The following KLHL3 variants were observed in gnomAD, a reference collection of about 807,000 sequenced individuals.
KLHL3 encodes the protein kelch like family member 3, also known as kelch-like protein 3.
A neutral mutation model predicts 70.5 loss-of-function variants in KLHL3; 19 were observed. That is an observed-to-expected ratio of 0.27 (90% CI 0.19 to 0.40). The LOEUF (loss-of-function observed/expected upper bound fraction) is 0.40. KLHL3 is among the 10% of genes least tolerant of loss of function. The pLI is 1.00. For synonymous variants in KLHL3, 258 were observed against 290.3 expected (o/e 0.89, Z 1.13); for missense variants, 512 against 771.1 (o/e 0.66, Z 3.98).
At chr5:137,728,303 A>T (rs1753116946) in intron 1 of KLHL3, among the ~76,000 whole-genome samples, 1 of 152,172 alleles carries the variant, frequency 6.6e-6, no homozygotes, top group Non-Finnish European at 1.5e-5. Flanking sequence ...TTGCCTCTGA[A>T]TTCTTAGCTT....
At chr5:137,709,514 G>A (rs1240197261) in intron 3 of KLHL3, among the ~76,000 whole-genome samples, 5 of 152,214 alleles carry the variant, frequency 3.3e-5, no homozygotes, top group African/African-American at 1.2e-4. Flanking sequence ...GAACTAATGG[G>A]CTATGTGAGT....
chr5:137,661,980 C>T lies in KLHL3; in HGVS notation c.688G>A (p.Glu230Lys). The T allele has an allele frequency of 3.1e-6, 5 of 1,613,578 alleles. No homozygotes were observed. Among genetic ancestry groups the T allele is most frequent in the Non-Finnish European group, 3.4e-6 (4 of 1,179,678 alleles). Residue 230 changes from glutamate to lysine, a missense_variant, in exon 7 of 15, where the codon GAG (glutamate) becomes AAG (lysine). Coordinates refer to ENST00000309755, the MANE Select transcript of KLHL3 (RefSeq NM_017415.3). ...WINYEKETRL[E>K]HMAKLMEHVR... ...TGTTCCATCAGCTTTGCCATGTGCT[C>T]TAAACGGGTTTCTTTCTCATAATTG...
Position 137,639,882 on chromosome 5 carries a change from A to T in KLHL3, c.999T>A (p.Leu333=). The T allele has an allele frequency of 6.2e-7, 1 of 1,614,014 alleles. No homozygotes were observed. Among genetic ancestry groups the T allele is most frequent in the Non-Finnish European group, 8.5e-7 (1 of 1,179,922 alleles). ...EEDRWDQIAE[L]PSRRCRAGVV... ...CACCTGCTCTGCATCTTCTGGAAGG[A>T]AGCTCAGCAATCTGATCCCACCGGT... is the stretch of plus-strand genomic sequence containing the variant. The change falls in exon 9 of 15, where the codon CTT becomes CTA. Residue 333 remains leucine, a synonymous_variant. Transcript: ENST00000309755. This position sits in a 1 kb window ranked among gnomAD's most constrained non-coding sequence, Gnocchi z 5.0.
At chr5:137,641,302 C>T (rs545003113) in intron 8 of KLHL3, among the ~76,000 whole-genome samples, 12 of 152,276 alleles carry the variant, frequency 7.9e-5, no homozygotes, top group Admixed American at 2.0e-4. Context: ...CTTGAGCATA[C>T]ATCAGAATCA....
chr5:137,668,187 G>A (rs888998276), intron 6 of KLHL3, among the ~76,000 whole-genome samples: 23 of 152,106 alleles, frequency 1.5e-4, no homozygotes, highest in East Asian at 5.8e-4. Flanking sequence ...CAAGGTGGGC[G>A]GATCACGAAG....
intron 5 of KLHL3, among the ~76,000 whole-genome samples, chr5:137,690,326 CAAAA>C (rs35864411): frequency 8.5e-5 from 12 of 140,748 alleles, no homozygotes; most frequent in East Asian, 2.1e-4. Flanking sequence ...GACTCCATCT[CAAAA>C]AAAAAAAAAA....
At chr5:137,681,355 A>T (rs1752021221) in intron 5 of KLHL3, among the ~76,000 whole-genome samples, 1 of 152,196 alleles carries the variant, frequency 6.6e-6, no homozygotes, top group Non-Finnish European at 1.5e-5. Flanking sequence ...CTGCCTCACA[A>T]GCAAGATAAG....
chr5:137,677,875 C>T (rs1197550421), intron 5 of KLHL3, among the ~76,000 whole-genome samples: 5 of 152,142 alleles, frequency 3.3e-5, no homozygotes, highest in Non-Finnish European at 5.9e-5. Flanking sequence ...CTGTCCTGAA[C>T]ATCAACACAG....
chr5:137,629,830 T>A (rs1406230341), intron 12 of KLHL3: 1 of 152,220 alleles, frequency 6.6e-6, no homozygotes, highest in Non-Finnish European at 1.5e-5. Flanking sequence ...CTTTCCTCCA[T>A]GCTCAGCAGG....
intron 5 of KLHL3, among the ~76,000 whole-genome samples, chr5:137,686,158 A>C (rs1263635943): frequency 6.6e-6 from 1 of 152,230 alleles, no homozygotes; most frequent in Admixed American, 6.5e-5. Context: ...ACCTGCCTGC[A>C]CTATACATCT....
chr5:137,666,430 A>G (rs1199561673), intron 6 of KLHL3, among the ~76,000 whole-genome samples: 2 of 152,198 alleles, frequency 1.3e-5, no homozygotes, highest in African/African-American at 4.8e-5. Context: ...CTGTCTCTGC[A>G]CGCCATCTCC....
At chr5:137,730,123 T>C (rs1162269048) in intron 1 of KLHL3, among the ~76,000 whole-genome samples, 1 of 152,220 alleles carries the variant, frequency 6.6e-6, no homozygotes, top group Non-Finnish European at 1.5e-5. Flanking sequence ...GGTAGCATTA[T>C]CTCTTAAGGT....
intron 1 of KLHL3, among the ~76,000 whole-genome samples, chr5:137,733,827 G>A (rs571380021): frequency 7.6e-4 from 115 of 152,300 alleles, no homozygotes; most frequent in African/African-American, 2.7e-3. Flanking sequence ...AGTGGAAATG[G>A]GAACAGGAGT....
chr5:137,699,497 T>A, intron 3 of KLHL3, among the ~76,000 whole-genome samples: 1 of 151,700 alleles, frequency 6.6e-6, no homozygotes. Flanking sequence ...GGATGCAGGG[T>A]GGAAGCTAGA....
At chr5:137,688,316 C>G (rs1266514588) in intron 5 of KLHL3, among the ~76,000 whole-genome samples, 1 of 152,204 alleles carries the variant, frequency 6.6e-6, no homozygotes, top group Non-Finnish European at 1.5e-5. Context: ...GCCTGAAGAT[C>G]ATGCTGACCC....
chr5:137,706,038 GC>G (rs1434629516), intron 3 of KLHL3: 1 of 985,272 alleles, frequency 1.0e-6, no homozygotes, highest in Non-Finnish European at 1.2e-6. Context: ...TCTCTGATGG[GC>G]ACTCAGACTT....
At chr5:137,710,615 T>C (rs1752773890) in intron 2 of KLHL3, among the ~76,000 whole-genome samples, 2 of 152,222 alleles carry the variant, frequency 1.3e-5, no homozygotes, top group Non-Finnish European at 1.5e-5. Flanking sequence ...TCCACATTCA[T>C]AGACAGAATA....
At chr5:137,675,381 T>G (rs1751861489) in intron 6 of KLHL3, among the ~76,000 whole-genome samples, 1 of 152,204 alleles carries the variant, frequency 6.6e-6, no homozygotes, top group East Asian at 1.9e-4. Flanking sequence ...ATTGGTGCCA[T>G]TATCATTATT....
intron 1 of KLHL3, among the ~76,000 whole-genome samples, chr5:137,732,567 A>C (rs1383791862): frequency 6.6e-6 from 1 of 152,008 alleles, no homozygotes; most frequent in Non-Finnish European, 1.5e-5. Context: ...TTTAGATAAG[A>C]AGCAAGATGA....
Sources: allele counts gnomAD v4.1 joint callset (sites outside exome capture counted in the v4.1 genomes callset), GRCh38; gene constraint gnomAD v4.1.1; non-coding constraint Gnocchi (gnomAD v3.1); transcripts MANE v1.5; gene names NCBI Gene and HGNC (gene_info 2026-07-23, HGNC 2026-07-21).